LRRIQ3: variants seen among roughly 807,000 people sequenced by gnomAD.
LRRIQ3 encodes the protein leucine-rich repeat and IQ domain-containing protein 3.
LRRIQ3 carries 75 observed loss-of-function variants against 59.3 expected under a neutral mutation model. The observed-to-expected ratio is 1.26, with a 90% confidence interval of 1.05 to 1.53. The LOEUF (loss-of-function observed/expected upper bound fraction) is 1.53, where lower values mean the gene tolerates loss of function less well. Ranked by LOEUF, LRRIQ3 falls within the 40% of genes most tolerant of loss-of-function variation. The probability of loss-of-function intolerance (pLI) is 0.00; values close to 1 mark genes in which losing one functional copy is unlikely to be tolerated. For missense variants in LRRIQ3, 831 were observed against 710.0 expected, an observed-to-expected ratio of 1.17 and a Z score of -1.94; for synonymous variants, 250 against 231.3, an observed-to-expected ratio of 1.08 and a Z score of -0.73.
At chr1:74,078,889 A>AT (rs1292365163) in intron 5 of LRRIQ3, among the ~76,000 whole-genome samples, 1 of 151,852 alleles carries the variant, frequency 6.6e-6, no homozygotes, top group Non-Finnish European at 1.5e-5. Context: ...GAAAAAAATA[A>AT]TTTTTTGATC....
chr1:74,163,231 T>C (rs1648763077), intron 3 of LRRIQ3, among the ~76,000 whole-genome samples: 1 of 151,610 alleles, frequency 6.6e-6, no homozygotes, highest in African/African-American at 2.4e-5. Flanking sequence ...AGAAAAATCA[T>C]ATCATTTTTA....
At chr1:74,043,742 A>G (rs1053167282) in intron 6 of LRRIQ3, among the ~76,000 whole-genome samples, 2 of 152,128 alleles carry the variant, frequency 1.3e-5, no homozygotes, top group Non-Finnish European at 2.9e-5. Context: ...GGGTTCTAAC[A>G]ACATTGTACC....
At chr1:74,185,457 A>G (rs1650299296) in intron 1 of LRRIQ3, among the ~76,000 whole-genome samples, 1 of 152,136 alleles carries the variant, frequency 6.6e-6, no homozygotes, top group South Asian at 2.1e-4. Flanking sequence ...TTGGTGAGTT[A>G]TCTGTTCAGA....
chr1:74,060,860 G>C (rs990782861), intron 6 of LRRIQ3, among the ~76,000 whole-genome samples: 3 of 152,030 alleles, frequency 2.0e-5, no homozygotes, highest in Non-Finnish European at 4.4e-5. Context: ...CAGGAATCTG[G>C]GACCTCTGCA....
chr1:74,190,617 A>G (rs113333248), intron 1 of LRRIQ3, among the ~76,000 whole-genome samples: 9 of 152,148 alleles, frequency 5.9e-5, no homozygotes, highest in African/African-American at 2.2e-4. Context: ...ATGACAATTT[A>G]CTCTAACATC....
intron 4 of LRRIQ3, among the ~76,000 whole-genome samples, chr1:74,130,000 T>C (rs1017748840): frequency 1.3e-5 from 2 of 152,070 alleles, no homozygotes; most frequent in Non-Finnish European, 2.9e-5. Flanking sequence ...CTTATCTCTC[T>C]CTTCTCTTCA....
At chr1:74,123,079 T>G (rs1646883293) in intron 4 of LRRIQ3, among the ~76,000 whole-genome samples, 1 of 152,136 alleles carries the variant, frequency 6.6e-6, no homozygotes, top group African/African-American at 2.4e-5. Context: ...ATTAAAAGCA[T>G]TATTTCCTAA....
At chr1:74,182,492 C>A (rs764519680) in intron 3 of LRRIQ3, 46 bp downstream of exon 3, 1 of 1,254,760 alleles carries the variant, frequency 8.0e-7, no homozygotes, top group Non-Finnish European at 1.0e-6. Flanking sequence ...CTAAAATTTC[C>A]CTTTTATACA....
Position 74,183,380 on chromosome 1 carries a change from T to C in LRRIQ3, c.249+56A>G, listed in dbSNP as rs1419858796. 1.2e-5 allele frequency: 17 copies of C among 1,445,526 alleles called. No individual in the cohort carries two copies. In the East Asian group the frequency reaches 3.5e-4, roughly 30 times the overall value. The allele number at this position is 1,445,526 out of a possible 1,614,324, so 89.5% of individuals were successfully genotyped here. ...ACTGTGGATAGGTAACATAAGTACT[T>C]ATTATAAGACTGAAATTTCGTTTAT... is the stretch of plus-strand genomic sequence containing the variant. On this transcript the variant is annotated intron_variant, in intron 2 of 7. Coordinates refer to ENST00000354431, the MANE Select transcript of LRRIQ3 (RefSeq NM_001105659.2).
intron 2 of LRRIQ3, chr1:74,183,153 T>G (rs546496989): frequency 3.2e-6 from 1 of 317,016 alleles, no homozygotes; most frequent in East Asian, 5.7e-5. Context: ...CTAAAATACT[T>G]TCCTTACCTA....
chr1:74,195,853 A>G (rs1461461520), intron 1 of LRRIQ3, among the ~76,000 whole-genome samples: 1 of 152,148 alleles, frequency 6.6e-6, no homozygotes, highest in African/African-American at 2.4e-5. Context: ...TAGTATAATA[A>G]TACTCTGGTA....
chr1:74,179,263 C>T (rs1298534805), intron 3 of LRRIQ3, among the ~76,000 whole-genome samples: 1 of 151,854 alleles, frequency 6.6e-6, no homozygotes, highest in African/African-American at 2.4e-5. Context: ...AAAGAAGAAC[C>T]CATGCTTCCT....
intron 4 of LRRIQ3, among the ~76,000 whole-genome samples, chr1:74,117,990 A>T (rs1358243241): frequency 6.6e-6 from 1 of 152,068 alleles, no homozygotes; most frequent in Non-Finnish European, 1.5e-5. Flanking sequence ...CCAAGAAGGG[A>T]GAATTTACCT....
At chr1:74,152,689 C>G (rs1271348319) in intron 4 of LRRIQ3, among the ~76,000 whole-genome samples, 1 of 152,052 alleles carries the variant, frequency 6.6e-6, no homozygotes, top group Admixed American at 6.6e-5. Context: ...TAATGACACC[C>G]CAATAGCAAT....
In LRRIQ3 at chr1:74,188,364, C is replaced by G. The variant is rs1368710311; in HGVS notation, c.1-4680G>C. ...TAAATCAATTGTACAACAAATTACC[C>G]TGAAACAAGATTACCTATGTATCAA... On this transcript the variant is annotated intron_variant, in intron 1 of 7. Transcript: ENST00000354431. Among the ~76,000 whole-genome samples, 18 of 152,090 alleles carry G rather than the reference C, an allele frequency of 1.2e-4. 1 individual carries two copies. Among genetic ancestry groups the G allele is most frequent in the Admixed American group, 1.2e-3 (18 of 15,264 alleles).
chr1:74,170,829 A>G (rs1649279714), intron 3 of LRRIQ3, among the ~76,000 whole-genome samples: 1 of 152,028 alleles, frequency 6.6e-6, no homozygotes, highest in South Asian at 2.1e-4. Context: ...CAACTTATTT[A>G]TGTCTACTTT....
At chr1:74,123,706 T>A (rs987338283) in intron 4 of LRRIQ3, among the ~76,000 whole-genome samples, 3 of 152,076 alleles carry the variant, frequency 2.0e-5, no homozygotes, top group Non-Finnish European at 4.4e-5. Flanking sequence ...TTCATTCATT[T>A]GTTGATGGAC....
chr1:74,029,130 T>C (rs939145108), intron 7 of LRRIQ3, among the ~76,000 whole-genome samples: 25 of 152,094 alleles, frequency 1.6e-4, no homozygotes, highest in African/African-American at 5.6e-4. Flanking sequence ...ACAATGGGGT[T>C]TTCTAGATAT....
intron 5 of LRRIQ3, among the ~76,000 whole-genome samples, chr1:74,094,371 G>T (rs769467025): frequency 1.2e-4 from 18 of 152,000 alleles, no homozygotes; most frequent in Non-Finnish European, 4.4e-5. Context: ...AGGGGTCTTT[G>T]TAAGAGGGAG....
Sources: allele counts gnomAD v4.1 joint callset (sites outside exome capture counted in the v4.1 genomes callset), GRCh38; gene constraint gnomAD v4.1.1; transcripts MANE v1.5; gene names NCBI Gene and HGNC (gene_info 2026-07-23, HGNC 2026-07-21).